The following C11orf65 variants were observed in gnomAD, a reference collection of about 807,000 sequenced individuals.
C11orf65 encodes the protein protein MFI.
C11orf65 carries 38 observed loss-of-function variants against 35.3 expected under a neutral mutation model. That is an observed-to-expected ratio of 1.08 (90% CI 0.83 to 1.41). The LOEUF is 1.41. C11orf65 is among the 40% of genes most tolerant of loss of function. C11orf65 has a pLI of 0.00. For missense variants in C11orf65, 370 were observed against 367.1 expected, an observed-to-expected ratio of 1.01 and a Z score of -0.06; for synonymous variants, 105 against 114.4, an observed-to-expected ratio of 0.92 and a Z score of 0.53.
At chr11:108,387,148 CTTTTTTTTTT>C (rs1175890979) in intron 7 of C11orf65, among the ~76,000 whole-genome samples, 17 of 84,412 alleles carry the variant, frequency 2.0e-4, no homozygotes, top group Admixed American at 3.9e-4. Context: ...TTCTTTCTTT[CTTTTTTTTTT>C]TTTTTTTTTT....
Position 108,317,480 on chromosome 11 carries a change from AG to A in C11orf65, c.641-8410del, listed in dbSNP as rs2084789262. ...AACTAGAAGAACTTCATTACCAAGCAGCATGGAGGAATATGCAGTGGGACCA... is the reference window on the plus strand; with the variant it reads ...AACTAGAAGAACTTCATTACCAAGCACATGGAGGAATATGCAGTGGGACCA... On this transcript the variant is annotated intron_variant, in intron 6 of 6. Transcript: ENST00000525729. 6.2e-7 allele frequency: 1 copy of A among 1,612,324 alleles called. No homozygotes were observed. The highest frequency in any genetic ancestry group is 1.1e-5 in the South Asian group (1 of 91,064).
chr11:108,328,841 G>A (rs982453974), downstream of C11orf65, among the ~76,000 whole-genome samples: 6 of 152,166 alleles, frequency 3.9e-5, no homozygotes, highest in Admixed American at 1.3e-4. Flanking sequence ...ATTCAAAGCC[G>A]TCCTGGGCCA....
chr11:108,393,526 AAACC>A (rs1341768968), intron 6 of C11orf65, 148 bp from the exon 7 acceptor site: 1 of 713,362 alleles, frequency 1.4e-6, no homozygotes, highest in East Asian at 2.7e-5. Context: ...AGATGCATCT[AAACC>A]AAGATCTATG....
intron 6 of C11orf65, among the ~76,000 whole-genome samples, chr11:108,323,916 A>G (rs190288706): frequency 1.3e-5 from 2 of 152,330 alleles, no homozygotes; most frequent in Admixed American, 1.3e-4. Context: ...CTGTTAATCC[A>G]GACATTAAAG....
chr11:108,459,168 TA>T (rs2093441743), intron 2 of C11orf65, among the ~76,000 whole-genome samples: 1 of 152,096 alleles, frequency 6.6e-6, no homozygotes, highest in African/African-American at 2.4e-5. Context: ...ACAACAAAAT[TA>T]AGAGGGTTTC....
At chr11:108,428,837 C>T (rs1381730336) in intron 3 of C11orf65, among the ~76,000 whole-genome samples, 2 of 151,868 alleles carry the variant, frequency 1.3e-5, no homozygotes, top group African/African-American at 4.8e-5. Flanking sequence ...ACAAAAATAC[C>T]AAAAAACGAA....
intron 3 of C11orf65, among the ~76,000 whole-genome samples, chr11:108,419,671 C>A (rs900455412): frequency 1.7e-4 from 26 of 152,320 alleles, no homozygotes; most frequent in African/African-American, 5.8e-4. Flanking sequence ...CAATGCACTC[C>A]AGCCTGGGTA....
At chr11:108,453,504 GAC>G (rs2093377241) in intron 2 of C11orf65, among the ~76,000 whole-genome samples, 1 of 152,058 alleles carries the variant, frequency 6.6e-6, no homozygotes, top group Non-Finnish European at 1.5e-5. Context: ...GTTTACAAGA[GAC>G]ACAATTTAAA....
intron 6 of C11orf65, among the ~76,000 whole-genome samples, chr11:108,313,953 T>C (rs1209047212): frequency 1.3e-5 from 2 of 152,202 alleles, no homozygotes; most frequent in African/African-American, 2.4e-5. Flanking sequence ...GTGTAAATTT[T>C]ACAACAAAGA....
At chr11:108,397,199 T>TA (rs1205680284) in intron 6 of C11orf65, among the ~76,000 whole-genome samples, 1 of 151,460 alleles carries the variant, frequency 6.6e-6, no homozygotes, top group Non-Finnish European at 1.5e-5. Context: ...CATGTAGCTA[T>TA]AGTCCCAGGC....
chr11:108,453,729 A>T lies in C11orf65; in HGVS notation c.81+7750T>A, dbSNP rs551946777. Among the ~76,000 whole-genome samples, 6 of 152,296 alleles carry T rather than the reference A, an allele frequency of 3.9e-5. 1 individual carries two copies. In the South Asian group the frequency reaches 1.2e-3, roughly 32 times the overall value. On this transcript the variant is annotated intron_variant, in intron 2 of 8. Coordinates refer to ENST00000393084, the MANE Select transcript of C11orf65 (RefSeq NM_152587.5). ...GGTCATCGCATTTATTGATTTGTAT[A>T]TGTTGAACCACCTTGCACACAAAGG... is the stretch of plus-strand genomic sequence containing the variant.
chr11:108,372,229 T>C (rs964128410), intron 2 of C11orf65, among the ~76,000 whole-genome samples: 1 of 152,238 alleles, frequency 6.6e-6, no homozygotes, highest in Non-Finnish European at 1.5e-5. Context: ...AGTCCCGCTC[T>C]GTCGCCCAGG....
At chr11:108,355,060 C>G in intron 2 of C11orf65, 2 of 593,480 alleles carry the variant, frequency 3.4e-6, no homozygotes, top group South Asian at 4.1e-5. Flanking sequence ...TTTAGAAATG[C>G]CTTCAGCCCC....
rs370728924 is a variant in C11orf65, at chr11:108,396,834, A to AAAATAAATAAAT, written c.561-3468_561-3457dup. ...GGGCAACAGAGCAAGACTCCGTCTT[A>AAAATAAATAAAT]AAATAAATAAATAAATAAATAAATA... On this transcript the variant is annotated intron_variant, in intron 6 of 8. Coordinates refer to ENST00000393084, the MANE Select transcript of C11orf65 (RefSeq NM_152587.5). 4.4e-3 allele frequency among the ~76,000 whole-genome samples: 609 copies of AAAATAAATAAAT among 137,402 alleles called. 8 individuals carry two copies. The highest frequency in any genetic ancestry group is 0.013 in the East Asian group (59 of 4,674). 90.1% of individuals were successfully genotyped at this position (137,402 alleles called of 152,430 possible).
At chr11:108,335,156 A>C (rs757801987) in intron 3 of C11orf65, 2 of 1,612,618 alleles carry the variant, frequency 1.2e-6, no homozygotes, top group Non-Finnish European at 1.7e-6. Flanking sequence ...TTAGTGATGA[A>C]AATTTTTAGT....
chr11:108,400,108 A>C (rs775871353), intron 6 of C11orf65, among the ~76,000 whole-genome samples: 1 of 152,202 alleles, frequency 6.6e-6, no homozygotes, highest in Non-Finnish European at 1.5e-5. Context: ...GTCCCATTGA[A>C]GCCAGCTTGT....
chr11:108,449,484 T>C (rs1349826633), intron 2 of C11orf65, among the ~76,000 whole-genome samples: 2 of 151,920 alleles, frequency 1.3e-5, no homozygotes, highest in Non-Finnish European at 2.9e-5. Context: ...TAATGCCGCA[T>C]ATCTACAACC....
Position 108,368,921 on chromosome 11 carries a change from T to C in C11orf65, c.226+24287A>G, listed in dbSNP as rs4987114. 3.2e-3 allele frequency: 622 copies of C among 194,454 alleles called. 16 individuals are homozygous for C. In the East Asian group the frequency reaches 0.048, roughly 15 times the overall value. 12.0% of individuals were successfully genotyped at this position (194,454 alleles called of 1,614,324 possible). ...GGACAGCGTAAAGACTAGAATAGTC[T>C]TTTAAAAAGAAAGCCAGTATATTGG... On this transcript the variant is annotated intron_variant, in intron 2 of 3. Transcript: ENST00000524755.
At chr11:108,374,633 T>C (rs906177524) in intron 2 of C11orf65, among the ~76,000 whole-genome samples, 9 of 152,208 alleles carry the variant, frequency 5.9e-5, no homozygotes, top group Admixed American at 4.6e-4. Flanking sequence ...CAAAGCTGGA[T>C]GGAGAATGAC....
Sources: gnomAD v4.1 joint callset for allele counts (sites outside exome capture counted in the v4.1 genomes callset) on GRCh38, gnomAD v4.1.1 for gene constraint, MANE v1.5 for transcripts, NCBI Gene and HGNC (gene_info 2026-07-23, HGNC 2026-07-21) for gene names.